ZMYND8: variants seen among roughly 807,000 people sequenced by gnomAD.
The protein encoded by ZMYND8 is MYND-type zinc finger-containing chromatin reader ZMYND8.
A neutral mutation model predicts 140.8 loss-of-function variants in ZMYND8; 37 were observed. That is an observed-to-expected ratio of 0.26 (90% CI 0.20 to 0.35). ZMYND8 has a LOEUF of 0.35. Among genes scored for constraint, ZMYND8 ranks in the 10% least tolerant of loss-of-function variants. ZMYND8 has a pLI of 1.00. For missense variants in ZMYND8, 1,068 were observed against 1,570.0 expected (o/e 0.68, Z 5.40); for synonymous variants, 592 against 597.1 (o/e 0.99, Z 0.12).
At chr20:47,308,792 T>G (rs1260824656) in intron 3 of ZMYND8, among the ~76,000 whole-genome samples, 1 of 152,094 alleles carries the variant, frequency 6.6e-6, no homozygotes, top group Non-Finnish European at 1.5e-5. Context: ...TGAAAATAGA[T>G]TCATGCTCAG....
At chr20:47,318,850 G>A (rs747726505) in intron 2 of ZMYND8, 1 of 873,314 alleles carries the variant, frequency 1.1e-6, no homozygotes, top group Non-Finnish European at 1.6e-6. Flanking sequence ...TGGAATGAAA[G>A]GTCACTCTCA....
At chr20:47,311,742 C>T (rs980941431) in intron 2 of ZMYND8, among the ~76,000 whole-genome samples, 2 of 152,144 alleles carry the variant, frequency 1.3e-5, no homozygotes, top group African/African-American at 4.8e-5. Flanking sequence ...TGGTGGCACA[C>T]ACCTGTAATC....
At chr20:47,276,930 C>G (rs925042191) in intron 10 of ZMYND8, 135 bp from the exon 11 acceptor site, 4 of 667,506 alleles carry the variant, frequency 6.0e-6, no homozygotes, top group African/African-American at 2.0e-5. Context: ...AAAAAAAAAA[C>G]TTGGTTTGAA....
intron 11 of ZMYND8, 74 bp from the exon 12 acceptor site, chr20:47,262,502 G>A (rs2075228217): frequency 1.3e-6 from 2 of 1,566,684 alleles, no homozygotes; most frequent in Admixed American, 3.6e-5. Context: ...GGTGTAGGGA[G>A]AGAATGGAGA....
chr20:47,299,083 A>T (rs2077828243), intron 3 of ZMYND8, 136 bp from the exon 4 acceptor site: 3 of 775,014 alleles, frequency 3.9e-6, no homozygotes, highest in Non-Finnish European at 6.3e-6. Context: ...AAACTATCTT[A>T]GGTTACTCTA....
At chr20:47,281,659 G>T (rs2076613033) in intron 10 of ZMYND8, among the ~76,000 whole-genome samples, 1 of 152,148 alleles carries the variant, frequency 6.6e-6, no homozygotes, top group African/African-American at 2.4e-5. Flanking sequence ...TCAGAGAAAA[G>T]GGAACAGGAG....
intron 18 of ZMYND8, 25 bp downstream of exon 18, chr20:47,227,178 T>A: frequency 6.2e-7 from 1 of 1,613,768 alleles, no homozygotes; most frequent in Non-Finnish European, 8.5e-7. Context: ...CCCTCCTCAG[T>A]CCAGACCAGT....
chr20:47,264,557 A>G (rs1195315072), intron 11 of ZMYND8, among the ~76,000 whole-genome samples: 1 of 152,114 alleles, frequency 6.6e-6, no homozygotes, highest in Non-Finnish European at 1.5e-5. Context: ...GATTACAGCC[A>G]TGAGTCACTG....
chr20:47,309,882 A>G (rs1260507003), intron 3 of ZMYND8, among the ~76,000 whole-genome samples, 174 bp downstream of exon 3: 1 of 152,052 alleles, frequency 6.6e-6, no homozygotes, highest in Non-Finnish European at 1.5e-5. Flanking sequence ...CCCACTGGAA[A>G]TTTCTACACA....
chr20:47,221,510 C>A, intron 19 of ZMYND8, 36 bp from the exon 20 acceptor site: 1 of 1,605,624 alleles, frequency 6.2e-7, no homozygotes, highest in Non-Finnish European at 8.5e-7. Flanking sequence ...GCCACATATA[C>A]ACAGAGTACG....
At chr20:47,261,819 C>T (rs1387329606) in intron 12 of ZMYND8, among the ~76,000 whole-genome samples, 2 of 152,106 alleles carry the variant, frequency 1.3e-5, no homozygotes, top group Non-Finnish European at 1.5e-5. Context: ...TGCCCGTCAT[C>T]CCATTACTTT....
chr20:47,277,234 G>A (rs1010511882), intron 10 of ZMYND8, among the ~76,000 whole-genome samples: 3 of 152,218 alleles, frequency 2.0e-5, no homozygotes, highest in Non-Finnish European at 2.9e-5. Flanking sequence ...TCCCTAAAAG[G>A]AGGTACATGT....
chr20:47,235,489 G>A (rs1294591910), intron 16 of ZMYND8, among the ~76,000 whole-genome samples: 8 of 152,114 alleles, frequency 5.3e-5, no homozygotes, highest in Non-Finnish European at 8.8e-5. Context: ...TGGATCACCC[G>A]AGGTCAGGAG....
intron 9 of ZMYND8, 111 bp downstream of exon 9, chr20:47,283,460 A>C: frequency 9.1e-7 from 1 of 1,099,330 alleles, no homozygotes; most frequent in Admixed American, 2.1e-5. Context: ...AATTATCTTA[A>C]AACTCCATCC....
intron 2 of ZMYND8, among the ~76,000 whole-genome samples, chr20:47,330,692 A>T (rs2080869453): frequency 6.6e-6 from 1 of 152,196 alleles, no homozygotes; most frequent in Admixed American, 6.5e-5. Flanking sequence ...CGCTTTGCAG[A>T]GAACAGACAC....
intron 21 of ZMYND8, among the ~76,000 whole-genome samples, chr20:47,214,557 G>A (rs60259468): frequency 0.073 from 11,161 of 152,128 alleles, 600 homozygotes; most frequent in South Asian, 0.17. Context: ...GCAGTGGCAC[G>A]GTCTCAACTC....
chr20:47,335,890 T>C (rs1253377880), intron 2 of ZMYND8, among the ~76,000 whole-genome samples: 1 of 152,208 alleles, frequency 6.6e-6, no homozygotes, highest in Non-Finnish European at 1.5e-5. Context: ...TTTTAGACCT[T>C]GTTAGGAGAG....
Position 47,298,307 on chromosome 20 carries a change from C to T in ZMYND8, c.453+422G>A. 1 of 985,372 alleles carries T rather than the reference C, an allele frequency of 1.0e-6. No individual in the cohort carries two copies. The highest frequency in any genetic ancestry group is 1.2e-6 in the Non-Finnish European group (1 of 829,934). The allele number at this position is 985,372 out of a possible 1,614,324, so 61.0% of individuals were successfully genotyped here. ...ACGGCCACTACAGGGAACATGCAACCAAACGTGGTCTTCTCAGCTTGGCTA... is the reference window on the plus strand; with the variant it reads ...ACGGCCACTACAGGGAACATGCAACTAAACGTGGTCTTCTCAGCTTGGCTA... On this transcript the variant is annotated intron_variant, in intron 4 of 22. Transcript: ENST00000471951. This position sits in a 1 kb window ranked among gnomAD's most constrained non-coding sequence, Gnocchi z 5.0.
At chr20:47,274,752 AGCCACAG>A (rs897552755) in intron 11 of ZMYND8, among the ~76,000 whole-genome samples, 10 of 152,204 alleles carry the variant, frequency 6.6e-5, no homozygotes, top group Non-Finnish European at 1.5e-4. Flanking sequence ...CAGAACCAAA[AGCCACAG>A]GCTCTCTCTA....
Sources: allele counts gnomAD v4.1 joint callset (sites outside exome capture counted in the v4.1 genomes callset), GRCh38; gene constraint gnomAD v4.1.1; non-coding constraint Gnocchi (gnomAD v3.1); transcripts MANE v1.5; gene names NCBI Gene and HGNC (gene_info 2026-07-23, HGNC 2026-07-21).